Variants in DOCK3 observed in about 807,000 individuals in gnomAD.
DOCK3 encodes the protein dedicator of cytokinesis 3, also known as dedicator of cytokinesis protein 3.
Under a neutral mutation model 265.6 loss-of-function variants are expected in DOCK3, and 60 were observed. That is an observed-to-expected ratio of 0.23 (90% CI 0.18 to 0.28). The LOEUF (loss-of-function observed/expected upper bound fraction) is 0.28. DOCK3 is among the 10% of genes least tolerant of loss of function. DOCK3 has a pLI of 1.00. For missense variants in DOCK3, 1,981 were observed against 2,594.3 expected, an observed-to-expected ratio of 0.76 and a Z score of 5.14; for synonymous variants, 881 against 938.0, an observed-to-expected ratio of 0.94 and a Z score of 1.11.
intron 2 of DOCK3, among the ~76,000 whole-genome samples, chr3:50,838,281 G>T (rs2045628593): frequency 6.6e-6 from 1 of 152,172 alleles, no homozygotes; most frequent in South Asian, 2.1e-4. Context: ...GCATTTTATA[G>T]AATTCAGTTA....
At chr3:50,849,035 C>T (rs1183678516) in intron 3 of DOCK3, among the ~76,000 whole-genome samples, 2 of 151,290 alleles carry the variant, frequency 1.3e-5, no homozygotes, top group African/African-American at 4.9e-5. Flanking sequence ...GCTCAAAAAA[C>T]TTTTTTTTTC....
intron 9 of DOCK3, among the ~76,000 whole-genome samples, chr3:51,138,276 A>G (rs546719287): frequency 6.6e-6 from 1 of 152,356 alleles, no homozygotes; most frequent in East Asian, 1.9e-4. Flanking sequence ...ATTAATGGAA[A>G]GCAGAATTTA....
chr3:50,718,722 G>A (rs533920167), intron 1 of DOCK3, among the ~76,000 whole-genome samples: 4 of 149,168 alleles, frequency 2.7e-5, no homozygotes, highest in Non-Finnish European at 5.9e-5. Context: ...TTTGCCATCC[G>A]CTCTAGCTGT....
At chr3:50,942,930 G>A (rs1436767714) in intron 5 of DOCK3, among the ~76,000 whole-genome samples, 1 of 151,948 alleles carries the variant, frequency 6.6e-6, no homozygotes. Flanking sequence ...ACAAGGAAAT[G>A]AGTGGAAAAT....
intron 1 of DOCK3, among the ~76,000 whole-genome samples, chr3:50,731,866 G>C (rs1184165556): frequency 6.6e-6 from 1 of 152,100 alleles, no homozygotes; most frequent in Admixed American, 6.6e-5. Flanking sequence ...CTTAGTTAAT[G>C]CCAATAAAGC....
rs1386903006 is a variant in DOCK3 at position 50,748,214 on chromosome 3, C to G, written c.38-30461C>G. On this transcript the variant is annotated intron_variant, in intron 1 of 52. Transcript: ENST00000266037. ...TAGAGATGGGGTCTTGCTATGTTGC[C>G]CAGGCTGATCTTGAATTCTTTGCCT... Among the ~76,000 whole-genome samples the G allele has an allele frequency of 3.9e-5, 6 of 152,082 alleles. No homozygotes were observed. In the South Asian group the frequency reaches 1.2e-3, roughly 31 times the overall value.
intron 9 of DOCK3, among the ~76,000 whole-genome samples, chr3:51,140,107 A>T (rs754431360): frequency 6.6e-6 from 1 of 152,376 alleles, no homozygotes; most frequent in Admixed American, 6.5e-5. Context: ...CTTTTGTAAC[A>T]TAATTCACAT....
intron 40 of DOCK3, among the ~76,000 whole-genome samples, chr3:51,353,857 G>A (rs1160551642): frequency 6.6e-6 from 1 of 152,022 alleles, no homozygotes; most frequent in Non-Finnish European, 1.5e-5. Context: ...TTGTTGAAAT[G>A]GGTCTGGCTA....
intron 1 of DOCK3, among the ~76,000 whole-genome samples, chr3:50,764,690 T>C (rs2040753356): frequency 6.6e-6 from 1 of 152,150 alleles, no homozygotes; most frequent in Non-Finnish European, 1.5e-5. Context: ...ATACCTGTAG[T>C]TCCAGCTGCT....
chr3:50,844,975 C>T (rs955244405), intron 3 of DOCK3, among the ~76,000 whole-genome samples: 35 of 152,140 alleles, frequency 2.3e-4, no homozygotes, highest in African/African-American at 8.2e-4. Context: ...ATAATCCCAG[C>T]ACTTTGGGAG....
chr3:51,224,368 C>T (rs143325059), intron 14 of DOCK3, among the ~76,000 whole-genome samples: 135 of 152,292 alleles, frequency 8.9e-4, no homozygotes, highest in African/African-American at 3.1e-3. Flanking sequence ...AAATATGTGC[C>T]AGTCCTGGTC....
chr3:50,972,669 G>A (rs1419292096), intron 5 of DOCK3, among the ~76,000 whole-genome samples: 2 of 152,236 alleles, frequency 1.3e-5, no homozygotes, highest in South Asian at 2.1e-4. Context: ...TCATGTGGGT[G>A]CGGAGAAATG....
intron 1 of DOCK3, among the ~76,000 whole-genome samples, chr3:50,709,533 T>A (rs1360079233): frequency 2.0e-5 from 3 of 152,050 alleles, no homozygotes; most frequent in Non-Finnish European, 2.9e-5. Flanking sequence ...TTTTTTTTTT[T>A]AAACAGGTGG....
At chr3:51,356,279 C>T (rs1425569415) in intron 42 of DOCK3, 24 bp downstream of exon 42, 9 of 1,589,742 alleles carry the variant, frequency 5.7e-6, no homozygotes, top group Admixed American at 1.7e-5. Flanking sequence ...GGAAAACGGG[C>T]AGTACACACA....
intron 5 of DOCK3, among the ~76,000 whole-genome samples, chr3:50,984,772 T>C (rs915936886): frequency 6.6e-6 from 1 of 152,094 alleles, no homozygotes; most frequent in Non-Finnish European, 1.5e-5. Flanking sequence ...TGACCACGGA[T>C]TGAAAATGTT....
At chr3:50,917,748 ACT>A (rs1339771097) in intron 4 of DOCK3, among the ~76,000 whole-genome samples, 5 of 151,540 alleles carry the variant, frequency 3.3e-5, no homozygotes, top group African/African-American at 1.2e-4. Flanking sequence ...TTTTTACGTA[ACT>A]CTGAAGTTTT....
chr3:51,133,997 T>C (rs2084680774), intron 9 of DOCK3, among the ~76,000 whole-genome samples: 1 of 152,222 alleles, frequency 6.6e-6, no homozygotes, highest in African/African-American at 2.4e-5. Flanking sequence ...GTTCTCATCA[T>C]TTAGTTCCCA....
chr3:51,173,741 A>G (rs113106584), intron 12 of DOCK3, among the ~76,000 whole-genome samples: 2,179 of 152,154 alleles, frequency 0.014, 61 homozygotes, highest in African/African-American at 0.048. Context: ...CTGCTTTCAA[A>G]ATTATCTTTG....
chr3:50,884,864 A>T (rs1337204584), intron 3 of DOCK3, among the ~76,000 whole-genome samples: 2 of 152,022 alleles, frequency 1.3e-5, no homozygotes, highest in African/African-American at 4.8e-5. Context: ...AACATTTGTT[A>T]TAATGGATGA....
Sources: allele counts gnomAD v4.1 joint callset (sites outside exome capture counted in the v4.1 genomes callset), GRCh38; gene constraint gnomAD v4.1.1; transcripts MANE v1.5; gene names NCBI Gene and HGNC (gene_info 2026-07-23, HGNC 2026-07-21).